ACSL3: variants seen among roughly 807,000 people sequenced by gnomAD.
The protein encoded by ACSL3 is acyl-CoA synthetase long chain family member 3, also known as fatty acid CoA ligase Acsl3.
Under a neutral mutation model 84.7 loss-of-function variants are expected in ACSL3, and 34 were observed. That is an observed-to-expected ratio of 0.40 (90% CI 0.31 to 0.53). The LOEUF (loss-of-function observed/expected upper bound fraction) is 0.53, where lower values mean the gene tolerates loss of function less well. Among genes scored for constraint, ACSL3 ranks in the 20% least tolerant of loss-of-function variants. ACSL3 has a pLI of 0.48. For synonymous variants in ACSL3, 315 were observed against 299.4 expected, an observed-to-expected ratio of 1.05 and a Z score of -0.54; for missense variants, 680 against 873.1, an observed-to-expected ratio of 0.78 and a Z score of 2.79.
At chr2:222,925,087 A>T (rs1696844496) in intron 11 of ACSL3, among the ~76,000 whole-genome samples, 3 of 151,878 alleles carry the variant, frequency 2.0e-5, no homozygotes, top group African/African-American at 7.3e-5. Context: ...CTGTAATCCC[A>T]GTGCTTTGGG....
At chr2:222,866,348 T>C (rs982829779) in intron 1 of ACSL3, among the ~76,000 whole-genome samples, 4 of 152,304 alleles carry the variant, frequency 2.6e-5, no homozygotes, top group Admixed American at 2.6e-4. Context: ...GGTTTCACCA[T>C]GTTAGTCAGG....
chr2:222,863,572 T>C (rs1371208459), intron 1 of ACSL3, among the ~76,000 whole-genome samples: 3 of 152,202 alleles, frequency 2.0e-5, no homozygotes, highest in African/African-American at 7.2e-5. Flanking sequence ...GTAAGACTCT[T>C]TTATGTGAGA....
At chr2:222,905,681 G>A (rs372574905) in intron 3 of ACSL3, among the ~76,000 whole-genome samples, 100 of 152,110 alleles carry the variant, frequency 6.6e-4, no homozygotes, top group African/African-American at 1.5e-3. Context: ...AAATTCCCTC[G>A]ACCAGTCTTT....
intron 6 of ACSL3, 70 bp downstream of exon 6, chr2:222,918,225 A>T: frequency 1.1e-6 from 1 of 933,766 alleles, no homozygotes. Flanking sequence ...CCTATTATTG[A>T]TACTTAGTTC....
Position 222,943,760 on chromosome 2 carries a change from T to A in ACSL3, c.*2106T>A, listed in dbSNP as rs1697387820. ...ATCTTTAGTGACTTAAAAAATAATA[T>A]CCTCTAAAATTACCCTTTCAAGAGG... is the stretch of plus-strand genomic sequence containing the variant. On this transcript the variant is annotated 3_prime_UTR_variant, in exon 17 of 17. Coordinates refer to ENST00000357430, the MANE Select transcript of ACSL3 (RefSeq NM_004457.5). 1.3e-5 allele frequency: 2 copies of A among 151,960 alleles called. No individual in the cohort carries two copies. Among genetic ancestry groups the A allele is most frequent in the African/African-American group, 4.8e-5 (2 of 41,382 alleles). 9.4% of individuals were successfully genotyped at this position (151,960 alleles called of 1,614,324 possible). A position where few individuals can be genotyped will look rare whatever the true frequency, so the allele number is the denominator to read the frequency against.
At chr2:222,921,466 AT>A in intron 8 of ACSL3, 36 bp downstream of exon 8, 1 of 1,536,922 alleles carries the variant, frequency 6.5e-7, no homozygotes, top group Non-Finnish European at 8.9e-7. Flanking sequence ...GTAGTTAAGT[AT>A]TTATGTCTGT....
chr2:222,943,063 G>A lies in ACSL3; in HGVS notation c.*1409G>A, dbSNP rs566292044. On this transcript the variant is annotated 3_prime_UTR_variant, in exon 17 of 17. Transcript: ENST00000357430. ...GTTACTTTGTTGATTCTCAGTTACT[G>A]TAGGCATCAAAAGGCAAAAATCAAA... 48 of 211,052 alleles carry A rather than the reference G, an allele frequency of 2.3e-4. No individual in the cohort carries two copies. Among genetic ancestry groups the A allele is most frequent in the African/African-American group, 1.0e-3 (44 of 42,444 alleles). 13.1% of individuals were successfully genotyped at this position (211,052 alleles called of 1,614,324 possible). A position where few individuals can be genotyped will look rare whatever the true frequency, so the allele number is the denominator to read the frequency against.
intron 1 of ACSL3, 164 bp downstream of exon 1, chr2:222,861,422 A>T (rs1695003340): frequency 6.6e-6 from 1 of 151,832 alleles, no homozygotes. Flanking sequence ...CCGCGGCACC[A>T]GGAGCAGCGG....
intron 16 of ACSL3, among the ~76,000 whole-genome samples, chr2:222,938,561 C>A (rs1036607563): frequency 5.9e-5 from 9 of 152,136 alleles, no homozygotes; most frequent in African/African-American, 2.2e-4. Flanking sequence ...TTTTCTCTTG[C>A]TGCTTTCAAG....
chr2:222,924,247 G>A (rs893484747), intron 10 of ACSL3, among the ~76,000 whole-genome samples: 1 of 152,020 alleles, frequency 6.6e-6, no homozygotes, highest in African/African-American at 2.4e-5. Flanking sequence ...AACTAATTGT[G>A]GTTCGATTTT....
At chr2:222,914,370 C>A (rs1051223225) in intron 4 of ACSL3, among the ~76,000 whole-genome samples, 2 of 151,676 alleles carry the variant, frequency 1.3e-5, no homozygotes, top group African/African-American at 4.9e-5. Flanking sequence ...GTCAGGTGAT[C>A]CTTTTGCCTC....
intron 1 of ACSL3, among the ~76,000 whole-genome samples, chr2:222,874,936 G>T (rs1695407237): frequency 6.6e-6 from 1 of 151,204 alleles, no homozygotes; most frequent in Non-Finnish European, 1.5e-5. Context: ...GTGATAACCC[G>T]TCTCTACCAA....
rs1391722536 is a variant in ACSL3 at position 222,919,012 on chromosome 2, C to T, written c.667-52C>T. On this transcript the variant is annotated intron_variant, in intron 6 of 16. Transcript: ENST00000357430. The stretch of plus-strand genomic sequence containing the variant: ...AATATGGTAAACTAGTATTCTTATT[C>T]GCTAAGCTGCTTGAAAAATAATGAA... The T allele has an allele frequency of 4.9e-5, 78 of 1,596,878 alleles. No homozygotes were observed. In the East Asian group the frequency reaches 1.4e-3, roughly 29 times the overall value.
chr2:222,899,059 A>T (rs1394391430), intron 2 of ACSL3, among the ~76,000 whole-genome samples: 1 of 152,046 alleles, frequency 6.6e-6, no homozygotes, highest in South Asian at 2.1e-4. Context: ...ATCTGAGAGG[A>T]AAGAATTTAG....
At chr2:222,912,971 A>G (rs1696484593) in intron 4 of ACSL3, among the ~76,000 whole-genome samples, 1 of 152,240 alleles carries the variant, frequency 6.6e-6, no homozygotes, top group African/African-American at 2.4e-5. Context: ...CTTGAAATGA[A>G]CAGTGAAATG....
Position 222,923,461 on chromosome 2 carries a change from A to G in ACSL3, c.1152+312A>G, listed in dbSNP as rs1346900486. On this transcript the variant is annotated intron_variant, in intron 10 of 16. Coordinates refer to ENST00000357430, the MANE Select transcript of ACSL3 (RefSeq NM_004457.5). ...GTGAATTCATTGACACTTGAAGCCTATTGAGAGCTAGGAGGGAAAGTGTGA... is the reference window on the plus strand; with the variant it reads ...GTGAATTCATTGACACTTGAAGCCTGTTGAGAGCTAGGAGGGAAAGTGTGA... Among the ~76,000 whole-genome samples, 8 of 152,346 alleles carry G rather than the reference A, an allele frequency of 5.3e-5. 1 individual carries two copies. In the East Asian group the frequency reaches 5.8e-4, roughly 11 times the overall value.
chr2:222,929,702 C>T (rs1443225551), intron 13 of ACSL3, among the ~76,000 whole-genome samples: 1 of 151,766 alleles, frequency 6.6e-6, no homozygotes, highest in Non-Finnish European at 1.5e-5. Context: ...CACTTGAACC[C>T]GGGAGGTGGA....
intron 1 of ACSL3, among the ~76,000 whole-genome samples, chr2:222,866,783 G>A (rs1191466698): frequency 1.1e-4 from 5 of 47,606 alleles, no homozygotes; most frequent in Non-Finnish European, 2.2e-4. Flanking sequence ...CCCCCGCCCC[G>A]GGGAAATCAT....
chr2:222,934,499 T>C lies in ACSL3; in HGVS notation c.1848-31T>C. 11 of 1,485,544 alleles carry C rather than the reference T, an allele frequency of 7.4e-6. No individual in the cohort carries two copies. In the Middle Eastern group the frequency reaches 5.3e-4, roughly 71 times the overall value. 92.0% of individuals were successfully genotyped at this position (1,485,544 alleles called of 1,614,324 possible). ...GCAGTCAACACAGTTCACCATTTTG[T>C]TCCTTATCTGTTATCCTTTCTATAT... On this transcript the variant is annotated intron_variant, in intron 15 of 16. Transcript: ENST00000357430.
Sources: gnomAD v4.1 joint callset for allele counts (sites outside exome capture counted in the v4.1 genomes callset) on GRCh38, gnomAD v4.1.1 for gene constraint, MANE v1.5 for transcripts, NCBI Gene and HGNC (gene_info 2026-07-23, HGNC 2026-07-21) for gene names.